CAMTA1: variants seen among roughly 807,000 people sequenced by gnomAD.
CAMTA1 encodes calmodulin-binding transcription activator 1.
In CAMTA1, 27 loss-of-function variants were observed where a neutral mutation model predicts 170.9. The ratio of observed to expected loss-of-function variants is 0.16; its 90% CI spans 0.12 to 0.22. The LOEUF is 0.22. Among genes scored for constraint, CAMTA1 ranks in the 10% least tolerant of loss-of-function variants. CAMTA1 has a pLI of 1.00. For missense variants in CAMTA1, 1,619 were observed against 2,217.2 expected, an observed-to-expected ratio of 0.73 and a Z score of 5.42; for synonymous variants, 833 against 891.5, an observed-to-expected ratio of 0.93 and a Z score of 1.17.
intron 3 of CAMTA1, among the ~76,000 whole-genome samples, chr1:7,024,321 C>T (rs190561144): frequency 2.2e-4 from 33 of 152,148 alleles, no homozygotes; most frequent in Non-Finnish European, 7.4e-5. Context: ...TGTGTGGGCA[C>T]ATCAGGGTGA....
intron 3 of CAMTA1, among the ~76,000 whole-genome samples, chr1:6,926,261 T>C (rs1683054843): frequency 6.6e-6 from 1 of 152,074 alleles, no homozygotes; most frequent in African/African-American, 2.4e-5. Flanking sequence ...TTCTTGCATC[T>C]TGTACTCCAA....
intron 5 of CAMTA1, among the ~76,000 whole-genome samples, chr1:7,425,871 TCCAGCTTCC>T (rs964209211): frequency 5.9e-5 from 9 of 152,200 alleles, no homozygotes; most frequent in Non-Finnish European, 8.8e-5. Flanking sequence ...CAGTTGTGAC[TCCAGCTTCC>T]CCATCTTCTC....
chr1:7,412,652 T>C (rs1028276190), intron 5 of CAMTA1, among the ~76,000 whole-genome samples: 3 of 152,212 alleles, frequency 2.0e-5, no homozygotes, highest in Non-Finnish European at 4.4e-5. Context: ...ATTCTGGTTA[T>C]TAGCCCTTTG....
At position 7,065,786 on chromosome 1, in the gene CAMTA1, A is replaced by G. The variant is rs1042197149; in HGVS notation, c.235-25518A>G. The stretch of plus-strand genomic sequence containing the variant: ...CAGGGAAATAATGATTTTTCTTTCA[A>G]CCTGGTAAAATAGTTTTCTTCTGTC... On this transcript the variant is annotated intron_variant, in intron 3 of 22. Coordinates refer to ENST00000303635, the MANE Select transcript of CAMTA1 (RefSeq NM_015215.4). The surrounding 1 kb of genome is among the most constrained non-coding windows in gnomAD (Gnocchi z 5.2). Among the ~76,000 whole-genome samples the G allele has an allele frequency of 2.6e-5, 4 of 152,210 alleles. No individual in the cohort carries two copies. The highest frequency in any genetic ancestry group is 5.9e-5 in the Non-Finnish European group (4 of 68,024).
chr1:7,640,280 G>A (rs2095750541), intron 6 of CAMTA1, 120 bp from the exon 7 acceptor site: 9 of 1,096,560 alleles, frequency 8.2e-6, no homozygotes, highest in Non-Finnish European at 1.2e-5. Context: ...GCAGTGTGAG[G>A]TCAAGAGAGC....
chr1:7,667,707 C>G (rs995697836), intron 9 of CAMTA1, among the ~76,000 whole-genome samples: 1 of 152,180 alleles, frequency 6.6e-6, no homozygotes, highest in African/African-American at 2.4e-5. Context: ...TTCAGCAGCT[C>G]GCCACACGAG....
intron 4 of CAMTA1, among the ~76,000 whole-genome samples, chr1:7,110,459 C>T (rs1643953773): frequency 6.6e-6 from 1 of 152,202 alleles, no homozygotes; most frequent in Admixed American, 6.5e-5. Context: ...ATTGCCCGAG[C>T]AGGCCGGGCC....
chr1:7,552,610 C>A (rs2094818321), intron 6 of CAMTA1, among the ~76,000 whole-genome samples: 1 of 152,234 alleles, frequency 6.6e-6, no homozygotes, highest in Non-Finnish European at 1.5e-5. Flanking sequence ...GAGCCCTGTC[C>A]ATCCCGGGTC....
intron 5 of CAMTA1, among the ~76,000 whole-genome samples, chr1:7,372,105 TC>T (rs1450045924): frequency 6.6e-6 from 1 of 152,172 alleles, no homozygotes; most frequent in East Asian, 1.9e-4. Context: ...TGGCTTGGGC[TC>T]ACAGTGTCAA....
At chr1:7,375,745 C>T (rs1363311681) in intron 5 of CAMTA1, among the ~76,000 whole-genome samples, 2 of 152,248 alleles carry the variant, frequency 1.3e-5, no homozygotes, top group African/African-American at 2.4e-5. Flanking sequence ...AGATGTTAGA[C>T]TCAGGTTTGT....
At chr1:7,104,876 T>C (rs987936753) in intron 4 of CAMTA1, among the ~76,000 whole-genome samples, 1 of 152,190 alleles carries the variant, frequency 6.6e-6, no homozygotes, top group East Asian at 1.9e-4. Context: ...TAGATATAAT[T>C]GCCAAACTTT....
chr1:7,669,683 G>GC (rs1162322238), intron 9 of CAMTA1, among the ~76,000 whole-genome samples: 1 of 152,192 alleles, frequency 6.6e-6, no homozygotes, highest in African/African-American at 2.4e-5. Flanking sequence ...GCAGCTCTCC[G>GC]CCCCACTGCA....
chr1:7,366,791 G>A (rs2086004616), intron 5 of CAMTA1, among the ~76,000 whole-genome samples: 1 of 152,250 alleles, frequency 6.6e-6, no homozygotes, highest in African/African-American at 2.4e-5. Flanking sequence ...CAGCTTGGTT[G>A]CTGGCTTCCT....
In CAMTA1 at chr1:7,367,049, G is replaced by C. The variant is rs77685779; in HGVS notation, c.439-100781G>C. Reference sequence around the variant, plus strand: ...TCCTCTTAAAAAAAAATATCCTGCTGACAGGAGCTTTCTAACTTGTCATTT... The same window carrying C: ...TCCTCTTAAAAAAAAATATCCTGCTCACAGGAGCTTTCTAACTTGTCATTT... On this transcript the variant is annotated intron_variant, in intron 5 of 22. Coordinates refer to ENST00000303635, the MANE Select transcript of CAMTA1 (RefSeq NM_015215.4). 9.5e-3 allele frequency among the ~76,000 whole-genome samples: 1,439 copies of C among 152,216 alleles called. 22 individuals carry two copies. The highest frequency in any genetic ancestry group is 0.032 in the African/African-American group (1,310 of 41,526).
chr1:7,077,021 A>G (rs1639384367), intron 3 of CAMTA1, among the ~76,000 whole-genome samples: 1 of 152,252 alleles, frequency 6.6e-6, no homozygotes, highest in African/African-American at 2.4e-5. Context: ...TTCAAACACT[A>G]TTGAAATCCA....
intron 6 of CAMTA1, among the ~76,000 whole-genome samples, chr1:7,629,955 C>T (rs2095657802): frequency 6.6e-6 from 1 of 152,248 alleles, no homozygotes; most frequent in South Asian, 2.1e-4. Flanking sequence ...CTGCACGTCA[C>T]TGCCCTGGGA....
intron 5 of CAMTA1, among the ~76,000 whole-genome samples, chr1:7,292,228 G>A (rs904177446): frequency 6.6e-6 from 1 of 152,132 alleles, no homozygotes; most frequent in African/African-American, 2.4e-5. Context: ...GTGAGCTAGA[G>A]GGAAGGCTTA....
chr1:7,474,965 G>A (rs1366557789), intron 6 of CAMTA1, among the ~76,000 whole-genome samples: 1 of 152,200 alleles, frequency 6.6e-6, no homozygotes, highest in Non-Finnish European at 1.5e-5. Flanking sequence ...GGCCAAGTGG[G>A]ACACCCTGAA....
chr1:7,088,172 G>A (rs1205978182), intron 3 of CAMTA1, among the ~76,000 whole-genome samples: 1 of 152,192 alleles, frequency 6.6e-6, no homozygotes, highest in African/African-American at 2.4e-5. Flanking sequence ...TGGGAGCCTG[G>A]GCCTGTGCAT....
Sources: gnomAD v4.1 joint callset for allele counts (sites outside exome capture counted in the v4.1 genomes callset) on GRCh38, gnomAD v4.1.1 for gene constraint, Gnocchi (gnomAD v3.1) non-coding constraint, MANE v1.5 for transcripts, NCBI Gene and HGNC (gene_info 2026-07-23, HGNC 2026-07-21) for gene names.